The following USO1 variants were observed in gnomAD, a reference collection of about 807,000 sequenced individuals.
USO1 encodes USO1 vesicle transport factor, also known as general vesicular transport factor p115.
In USO1, 57 loss-of-function variants were observed where a neutral mutation model predicts 124.5. The ratio of observed to expected loss-of-function variants is 0.46; its 90% CI spans 0.37 to 0.57. The LOEUF (loss-of-function observed/expected upper bound fraction) is 0.57. Ranked by LOEUF, USO1 falls within the 20% of genes least tolerant of loss-of-function variation. The pLI, the probability that USO1 is intolerant of heterozygous loss-of-function variation, is 0.00. For missense variants in USO1, 900 were observed against 1,040.6 expected, an observed-to-expected ratio of 0.86 and a Z score of 1.86; for synonymous variants, 369 against 362.8, an observed-to-expected ratio of 1.02 and a Z score of -0.19.
At chr4:75,743,136 C>T (rs1721014499) in intron 1 of USO1, among the ~76,000 whole-genome samples, 4 of 152,188 alleles carry the variant, frequency 2.6e-5, no homozygotes, top group Admixed American at 2.0e-4. Context: ...AGGCACCCAC[C>T]ACCATGCCTG....
chr4:75,803,249 G>A (rs1722904356), intron 17 of USO1, among the ~76,000 whole-genome samples: 1 of 151,984 alleles, frequency 6.6e-6, no homozygotes. Flanking sequence ...GGGAAATTAT[G>A]ATAGAATGTT....
At position 75,790,183 on chromosome 4, in the gene USO1, T is replaced by A; in HGVS notation, c.1030T>A (p.Cys344Ser). Residue 344 changes from cysteine to serine, a missense_variant, in exon 11 of 24, where the codon TGC (cysteine) becomes AGC (serine). By Grantham distance (112) the Cys-to-Ser change is moderately radical. Around this residue, in one of 2 missense-constraint regions of USO1, gnomAD observed 538 missense variants for 681.6 expected, o/e 0.79. Transcript: ENST00000514213. ...TACTGTATCAGAAGTTATTCGAGGC[T>A]GCCAAGTAAACCAAGACTACTTTGC... is the stretch of plus-strand genomic sequence containing the variant. ...INTVSEVIRG[C>S]QVNQDYFASV... The A allele has an allele frequency of 6.2e-7, 1 of 1,605,000 alleles. No homozygotes were observed. Among genetic ancestry groups the A allele is most frequent in the Non-Finnish European group, 8.5e-7 (1 of 1,175,632 alleles).
chr4:75,725,332 A>G (rs530051454), intron 1 of USO1, among the ~76,000 whole-genome samples: 56 of 152,320 alleles, frequency 3.7e-4, no homozygotes, highest in Non-Finnish European at 7.1e-4. Context: ...GTTGGGGAAA[A>G]CTGCGAGAAG....
intron 4 of USO1, among the ~76,000 whole-genome samples, chr4:75,762,482 A>AT (rs1211344342): frequency 1.3e-5 from 2 of 150,026 alleles, no homozygotes; most frequent in East Asian, 3.9e-4. Context: ...TTTTAAATAC[A>AT]TTTTTTCCTT....
rs545822938 is a variant in USO1 at position 75,795,989 on chromosome 4, A to G, written c.1452+2088A>G. ...AGAAAAGGAGTGTACCTTAATATCT[A>G]TGTTTGGGCATGGGTTTCAGTTGAA... On this transcript the variant is annotated intron_variant, in intron 13 of 23. Transcript: ENST00000514213. 4.6e-5 allele frequency among the ~76,000 whole-genome samples: 7 copies of G among 152,082 alleles called. No homozygotes were observed. In the East Asian group the frequency reaches 9.7e-4, roughly 21 times the overall value.
Position 75,782,842 on chromosome 4 carries a change from T to A in USO1, c.839T>A (p.Leu280Gln). The A allele has an allele frequency of 6.3e-7, 1 of 1,597,044 alleles. No homozygotes were observed. Among genetic ancestry groups the A allele is most frequent in the Non-Finnish European group, 8.5e-7 (1 of 1,175,314 alleles). Residue 280 changes from leucine to glutamine, a missense_variant, in exon 9 of 24, where the codon CTA (leucine) becomes CAA (glutamine). Around this residue, in one of 2 missense-constraint regions of USO1, gnomAD observed 538 missense variants for 681.6 expected, o/e 0.79. Coordinates refer to ENST00000514213, the MANE Select transcript of USO1 (RefSeq NM_003715.4). ...SGWSAQKVTN[L>Q]HLMLQLVRVL... ...TGGTCTGCACAGAAAGTGACCAATCTACATCTAATGCTACAGGTATACTAT... is the reference window on the plus strand; with the variant it reads ...TGGTCTGCACAGAAAGTGACCAATCAACATCTAATGCTACAGGTATACTAT...
chr4:75,787,924 T>G (rs1478385977), intron 10 of USO1, among the ~76,000 whole-genome samples: 1 of 152,076 alleles, frequency 6.6e-6, no homozygotes, highest in African/African-American at 2.4e-5. Flanking sequence ...ATTGTGTTCT[T>G]CATTTTACTG....
intron 13 of USO1, chr4:75,795,354 C>A (rs545983589): frequency 1.4e-6 from 1 of 702,084 alleles, no homozygotes; most frequent in Non-Finnish European, 2.6e-6. Context: ...GATCGACAGA[C>A]GGGTATGTAT....
chr4:75,801,973 C>T (rs1454548064), intron 17 of USO1, among the ~76,000 whole-genome samples: 1 of 152,176 alleles, frequency 6.6e-6, no homozygotes, highest in African/African-American at 2.4e-5. Context: ...GCGTGTGCCA[C>T]CACGCTGCCT....
intron 1 of USO1, among the ~76,000 whole-genome samples, chr4:75,737,477 T>C (rs1720827383): frequency 6.6e-6 from 1 of 152,156 alleles, no homozygotes; most frequent in Admixed American, 6.6e-5. Context: ...GCTTCTTAAA[T>C]TGTACAAAAT....
chr4:75,755,334 G>C (rs954504335), intron 3 of USO1: 8 of 432,138 alleles, frequency 1.9e-5, no homozygotes, highest in South Asian at 1.4e-4. Flanking sequence ...CATCTCCAAA[G>C]TATTATTTTC....
chr4:75,765,270 T>C (rs888023262), intron 4 of USO1, among the ~76,000 whole-genome samples: 1 of 152,182 alleles, frequency 6.6e-6, no homozygotes, highest in Admixed American at 6.5e-5. Flanking sequence ...TTATTTGACA[T>C]GCATTCCCAA....
At chr4:75,795,924 G>A (rs1722664409) in intron 13 of USO1, among the ~76,000 whole-genome samples, 1 of 151,502 alleles carries the variant, frequency 6.6e-6, no homozygotes, top group African/African-American at 2.4e-5. Flanking sequence ...TTTTTGTTTT[G>A]TTTTGTTTTG....
chr4:75,770,086 CA>C (rs1397110489), intron 4 of USO1: 1 of 159,214 alleles, frequency 6.3e-6, no homozygotes, highest in African/African-American at 2.4e-5. Flanking sequence ...CAGAAGTATA[CA>C]GAAGTGTCAC....
At chr4:75,762,494 CTTT>C (rs1006698146) in intron 4 of USO1, among the ~76,000 whole-genome samples, 3 of 148,338 alleles carry the variant, frequency 2.0e-5, no homozygotes, top group Non-Finnish European at 4.5e-5. Flanking sequence ...TTTTTCCTTC[CTTT>C]TTTTTTTAAA....
At chr4:75,739,056 G>T (rs1720879522) in intron 1 of USO1, among the ~76,000 whole-genome samples, 1 of 152,006 alleles carries the variant, frequency 6.6e-6, no homozygotes, top group Admixed American at 6.6e-5. Context: ...GTTTCACCAG[G>T]TTCGCCAGGC....
chr4:75,744,943 A>C, intron 1 of USO1: 1 of 503,512 alleles, frequency 2.0e-6, no homozygotes, highest in Non-Finnish European at 4.0e-6. Flanking sequence ...TTGAATTCCA[A>C]ACAGTGACTG....
At chr4:75,808,603 C>CTAA (rs1459704381) in intron 20 of USO1, among the ~76,000 whole-genome samples, 6 of 152,094 alleles carry the variant, frequency 3.9e-5, no homozygotes, top group African/African-American at 1.4e-4. Flanking sequence ...TTAGTTATCA[C>CTAA]TGTTACTTGC....
chr4:75,770,654 T>TTA (rs1721901924), intron 5 of USO1, 115 bp downstream of exon 5: 8 of 1,459,460 alleles, frequency 5.5e-6, no homozygotes, highest in Non-Finnish European at 7.3e-6. Flanking sequence ...GTTTATTGTA[T>TTA]TATAGCAAGA....
Sources: allele counts gnomAD v4.1 joint callset (sites outside exome capture counted in the v4.1 genomes callset), GRCh38; gene constraint gnomAD v4.1.1; regional missense constraint gnomAD v4.1.1; transcripts MANE v1.5; gene names NCBI Gene and HGNC (gene_info 2026-07-23, HGNC 2026-07-21).